SFMBT1: variants seen among roughly 807,000 people sequenced by gnomAD.
SFMBT1 encodes the protein Scm like with four mbt domains 1.
In SFMBT1, 32 loss-of-function variants were observed where a neutral mutation model predicts 108.7. That is an observed-to-expected ratio of 0.29 (90% confidence interval 0.22 to 0.40). The LOEUF (loss-of-function observed/expected upper bound fraction) is 0.40, where lower values mean the gene tolerates loss of function less well. SFMBT1 is among the 10% of genes least tolerant of loss of function. The pLI is 1.00. For missense variants in SFMBT1, 816 were observed against 1,059.6 expected (o/e 0.77, Z 3.19); for synonymous variants, 348 against 369.5 (o/e 0.94, Z 0.67).
chr3:52,970,527 C>G (rs377536446), intron 1 of SFMBT1, among the ~76,000 whole-genome samples: 1 of 152,070 alleles, frequency 6.6e-6, no homozygotes, highest in East Asian at 1.9e-4. Flanking sequence ...TAATATGTGC[C>G]TAACAGATTA....
intron 1 of SFMBT1, among the ~76,000 whole-genome samples, chr3:53,028,400 G>A (rs1191500056): frequency 3.3e-5 from 5 of 152,168 alleles, no homozygotes; most frequent in African/African-American, 1.2e-4. Context: ...ACTTCTTGAA[G>A]TCACCTTAGT....
intron 1 of SFMBT1, among the ~76,000 whole-genome samples, chr3:53,002,415 A>G (rs536144267): frequency 6.7e-6 from 1 of 148,906 alleles, no homozygotes; most frequent in East Asian, 2.0e-4. Flanking sequence ...AAAAAAAAAA[A>G]AAAAAGAAAT....
At chr3:53,003,121 C>CAAAAAAAAAAAAAAAAA in intron 1 of SFMBT1, among the ~76,000 whole-genome samples, 1 of 62,024 alleles carries the variant, frequency 1.6e-5, no homozygotes, top group Non-Finnish European at 2.9e-5. Context: ...GACTCCATCA[C>CAAAAAAAAAAAAAAAAA]AAAAAAAAAA....
At chr3:52,921,538 C>G (rs1178039925) in intron 11 of SFMBT1, among the ~76,000 whole-genome samples, 167 bp downstream of exon 11, 1 of 152,070 alleles carries the variant, frequency 6.6e-6, no homozygotes, top group African/African-American at 2.4e-5. Flanking sequence ...ATTTGAAAGC[C>G]AAGGACAGGA....
At position 52,990,870 on chromosome 3, in the gene SFMBT1, G is replaced by A. The variant is rs552907514; in HGVS notation, c.-130-21612C>T. Among the ~76,000 whole-genome samples, 20 of 152,252 alleles carry A rather than the reference G, an allele frequency of 1.3e-4. No individual in the cohort carries two copies. In the East Asian group the frequency reaches 3.9e-3, roughly 29 times the overall value. On this transcript the variant is annotated intron_variant, in intron 1 of 20. Transcript: ENST00000394752. ...GGGGTGATGTCAACCTTGCAATTTT[G>A]GAGAGAGATTAATGAAGTGGGGTGA...
At chr3:52,965,857 T>G (rs968678694) in intron 2 of SFMBT1, among the ~76,000 whole-genome samples, 2 of 148,250 alleles carry the variant, frequency 1.3e-5, no homozygotes, top group Non-Finnish European at 3.0e-5. Flanking sequence ...ATACAAAAAA[T>G]TAGCCGGGCG....
Position 52,906,127 on chromosome 3 carries a change from T to G in SFMBT1, c.2446A>C (p.Ile816Leu). Residue 816 changes from isoleucine to leucine, a missense_variant, in exon 20 of 21, where the codon ATA (isoleucine) becomes CTA (leucine). Physicochemically the swap from Ile to Leu is conservative, Grantham distance 5. Coordinates refer to ENST00000394752, the MANE Select transcript of SFMBT1 (RefSeq NM_016329.4). ...TCTGTGATTACCTGGTCTAGGAATA[T>G]TCTTGCTAATGGAGCACAGTCAGTG... ...RSTDCAPLAR[I>L]FLDQEIDGQA... 6.2e-7 allele frequency: 1 copy of G among 1,614,132 alleles called. No homozygotes were observed.
rs1160941141 is a variant in SFMBT1 at position 52,904,195 on chromosome 3, A to G, written c.*941T>C. ...CCTTAGAAATGAAACAGAGGTAGACAAACAACTCTAGAGAAAAGTAAACAC... is the reference window on the plus strand; with the variant it reads ...CCTTAGAAATGAAACAGAGGTAGACGAACAACTCTAGAGAAAAGTAAACAC... On this transcript the variant is annotated 3_prime_UTR_variant, in exon 21 of 21. Coordinates refer to ENST00000394752, the MANE Select transcript of SFMBT1 (RefSeq NM_016329.4). The G allele has an allele frequency of 6.6e-6, 1 of 152,246 alleles. No individual in the cohort carries two copies. Among genetic ancestry groups the G allele is most frequent in the African/African-American group, 2.4e-5 (1 of 41,470 alleles). The allele number at this position is 152,246 out of a possible 1,614,324, so 9.4% of individuals were successfully genotyped here. A position where few individuals can be genotyped will look rare whatever the true frequency, so the allele number is the denominator to read the frequency against.
intron 2 of SFMBT1, among the ~76,000 whole-genome samples, chr3:52,966,804 A>C (rs1259406193): frequency 6.6e-6 from 1 of 151,772 alleles, no homozygotes; most frequent in African/African-American, 2.4e-5. Flanking sequence ...TTGACAGTTT[A>C]AACAAAAATG....
At chr3:53,014,946 G>A (rs796590336) in intron 1 of SFMBT1, among the ~76,000 whole-genome samples, 17 of 152,314 alleles carry the variant, frequency 1.1e-4, no homozygotes, top group African/African-American at 4.1e-4. Context: ...AGGACCGGGA[G>A]CAGTGGCTCA....
chr3:52,976,430 G>T (rs1276781071), intron 1 of SFMBT1, among the ~76,000 whole-genome samples: 3 of 151,858 alleles, frequency 2.0e-5, no homozygotes, highest in Non-Finnish European at 4.4e-5. Context: ...TATCCATTTT[G>T]GGAGGAAAAA....
chr3:53,044,270 C>T (rs149514956), intron 1 of SFMBT1, among the ~76,000 whole-genome samples: 176 of 152,244 alleles, frequency 1.2e-3, no homozygotes, highest in African/African-American at 3.9e-3. Flanking sequence ...GTTAAGAAAG[C>T]CACCGAATTT....
chr3:52,971,875 G>A (rs1704358612), intron 1 of SFMBT1, among the ~76,000 whole-genome samples: 1 of 152,182 alleles, frequency 6.6e-6, no homozygotes, highest in African/African-American at 2.4e-5. Flanking sequence ...GGACCTGAAG[G>A]CTGCTGTGGC....
At chr3:53,012,531 T>A (rs1014198987) in intron 1 of SFMBT1, among the ~76,000 whole-genome samples, 2 of 151,772 alleles carry the variant, frequency 1.3e-5, no homozygotes, top group African/African-American at 4.8e-5. Flanking sequence ...GCCTCCCGAG[T>A]AGCTGGGACT....
rs765096836 is a variant in SFMBT1, at chr3:52,907,609, A to C, written c.2031T>G (p.His677Gln). ...RRKRRKNVFV[H>Q]KKKRSSASVD... The stretch of plus-strand genomic sequence containing the variant: ...CAGATGCAGAGGAGCGTTTCTTCTT[A>C]TGAACAAAAACATTTTTCCGCCTCT... Residue 677 changes from histidine to glutamine, a missense_variant, in exon 18 of 21, where the codon CAT (histidine) becomes CAG (glutamine). Around this residue, in one of 5 missense-constraint regions of SFMBT1, gnomAD observed 177 missense variants for 182.0 expected, o/e 0.97. Coordinates refer to ENST00000394752, the MANE Select transcript of SFMBT1 (RefSeq NM_016329.4). 4.3e-6 allele frequency: 7 copies of C among 1,614,038 alleles called. No homozygotes were observed. The highest frequency in any genetic ancestry group is 5.9e-6 in the Non-Finnish European group (7 of 1,180,020).
chr3:53,028,127 G>A (rs898914745), intron 1 of SFMBT1, among the ~76,000 whole-genome samples: 9 of 152,128 alleles, frequency 5.9e-5, no homozygotes, highest in Non-Finnish European at 1.2e-4. Flanking sequence ...GTCTTGCTCT[G>A]TCATCCAGGG....
At chr3:52,948,725 C>T (rs1043189741) in intron 3 of SFMBT1, among the ~76,000 whole-genome samples, 3 of 150,760 alleles carry the variant, frequency 2.0e-5, no homozygotes, top group Admixed American at 6.6e-5. Context: ...AATCTCGGGT[C>T]ACTGCAACCT....
intron 1 of SFMBT1, among the ~76,000 whole-genome samples, chr3:52,976,376 T>C (rs1704520151): frequency 6.6e-6 from 1 of 152,184 alleles, no homozygotes; most frequent in African/African-American, 2.4e-5. Context: ...GCATTCCATA[T>C]AAAATCGTGA....
At chr3:52,964,569 G>A (rs1371312263) in intron 2 of SFMBT1, among the ~76,000 whole-genome samples, 1 of 152,058 alleles carries the variant, frequency 6.6e-6, no homozygotes, top group African/African-American at 2.4e-5. Context: ...TGTAAGTAAG[G>A]CCTAGAATAA....
Sources: gnomAD v4.1 joint callset for allele counts (sites outside exome capture counted in the v4.1 genomes callset) on GRCh38, gnomAD v4.1.1 for gene constraint, gnomAD v4.1.1 regional missense constraint, MANE v1.5 for transcripts, NCBI Gene and HGNC (gene_info 2026-07-23, HGNC 2026-07-21) for gene names.